The following LRFN5 variants were observed in gnomAD, a reference collection of about 807,000 sequenced individuals.
LRFN5 encodes leucine-rich repeat and fibronectin type-III domain-containing protein 5.
A neutral mutation model predicts 45.6 loss-of-function variants in LRFN5; 24 were observed. That is an observed-to-expected ratio of 0.53 (90% CI 0.38 to 0.74). The LOEUF is 0.74. LRFN5 is among the 30% of genes least tolerant of loss of function. The pLI, the probability that LRFN5 is intolerant of heterozygous loss-of-function variation, is 0.00. For synonymous variants in LRFN5, 340 were observed against 313.8 expected (o/e 1.08, Z -0.88); for missense variants, 776 against 861.5 (o/e 0.90, Z 1.24).
intron 2 of LRFN5, among the ~76,000 whole-genome samples, chr14:41,814,872 T>C (rs1181244048): frequency 6.6e-6 from 1 of 152,080 alleles, no homozygotes; most frequent in Non-Finnish European, 1.5e-5. Context: ...GGAATAACAT[T>C]TAAGCTTTGG....
intron 2 of LRFN5, among the ~76,000 whole-genome samples, chr14:41,824,157 T>C (rs1423903650): frequency 1.3e-5 from 2 of 152,236 alleles, no homozygotes; most frequent in Admixed American, 6.5e-5. Context: ...AATTATTTAT[T>C]TGGCATTTCA....
At chr14:41,861,200 ATCAAAAT>A (rs1475878416) in intron 2 of LRFN5, among the ~76,000 whole-genome samples, 3 of 152,204 alleles carry the variant, frequency 2.0e-5, no homozygotes, top group Non-Finnish European at 4.4e-5. Flanking sequence ...CCTATTTTTC[ATCAAAAT>A]TAGACCCACT....
chr14:41,763,007 G>C (rs1885733064), intron 1 of LRFN5, among the ~76,000 whole-genome samples: 1 of 152,114 alleles, frequency 6.6e-6, no homozygotes, highest in Non-Finnish European at 1.5e-5. Flanking sequence ...TTTTTCAAAT[G>C]TTATGAATAT....
chr14:41,746,177 C>G (rs1400100834), intron 1 of LRFN5, among the ~76,000 whole-genome samples: 1 of 151,916 alleles, frequency 6.6e-6, no homozygotes, highest in Non-Finnish European at 1.5e-5. Context: ...TGACTTATTC[C>G]TAGAATGGAA....
chr14:41,848,902 A>T (rs891377100), intron 2 of LRFN5, among the ~76,000 whole-genome samples: 1 of 151,994 alleles, frequency 6.6e-6, no homozygotes, highest in Non-Finnish European at 1.5e-5. Flanking sequence ...TTGCTTTGGA[A>T]TACTTCTAGG....
chr14:41,648,787 A>T (rs746232813), intron 1 of LRFN5, among the ~76,000 whole-genome samples: 20 of 152,054 alleles, frequency 1.3e-4, no homozygotes, highest in Non-Finnish European at 1.5e-5. Flanking sequence ...TTTTTGGAAC[A>T]TAATGAAATA....
intron 1 of LRFN5, among the ~76,000 whole-genome samples, chr14:41,715,905 C>T (rs1883473410): frequency 6.6e-6 from 1 of 152,182 alleles, no homozygotes; most frequent in Non-Finnish European, 1.5e-5. Context: ...CCATGAGGGC[C>T]CTGCCCCTGC....
intron 3 of LRFN5, among the ~76,000 whole-genome samples, chr14:41,890,168 A>C (rs551024757): frequency 6.6e-6 from 1 of 152,036 alleles, no homozygotes; most frequent in African/African-American, 2.4e-5. Context: ...TGAAAGTATC[A>C]CTGGAATTAG....
intron 1 of LRFN5, among the ~76,000 whole-genome samples, chr14:41,741,670 A>G (rs1884698111): frequency 6.6e-6 from 1 of 151,750 alleles, no homozygotes; most frequent in Non-Finnish European, 1.5e-5. Flanking sequence ...AAAAGCACAG[A>G]TAAGAAAAGC....
intron 2 of LRFN5, among the ~76,000 whole-genome samples, chr14:41,793,072 G>A (rs142135271): frequency 0.013 from 2,020 of 150,964 alleles, 19 homozygotes; most frequent in Non-Finnish European, 0.018. Flanking sequence ...TGGGTGCAGC[G>A]CACCAGCATG....
chr14:41,665,035 A>G (rs1880831327), intron 1 of LRFN5, among the ~76,000 whole-genome samples: 1 of 152,092 alleles, frequency 6.6e-6, no homozygotes, highest in Non-Finnish European at 1.5e-5. Flanking sequence ...ATTTTCTTCA[A>G]AATATATATT....
At chr14:41,690,205 T>A (rs1033783250) in intron 1 of LRFN5, among the ~76,000 whole-genome samples, 4 of 141,596 alleles carry the variant, frequency 2.8e-5, no homozygotes, top group African/African-American at 1.1e-4. Context: ...TAGGCATGTA[T>A]AATTAAAAGA....
At chr14:41,755,235 T>C (rs1885320710) in intron 1 of LRFN5, among the ~76,000 whole-genome samples, 1 of 152,204 alleles carries the variant, frequency 6.6e-6, no homozygotes, top group Non-Finnish European at 1.5e-5. Context: ...GAAGAATGTA[T>C]ATTGTGTTGA....
rs764474875 is a variant in LRFN5, at chr14:41,891,405, A to G, written c.1541A>G (p.Tyr514Cys). The G allele has an allele frequency of 7.4e-6, 12 of 1,614,126 alleles. No individual in the cohort carries two copies. Among genetic ancestry groups the G allele is most frequent in the Non-Finnish European group, 1.0e-5 (12 of 1,180,026 alleles). The change falls in exon 4 of 6, where the codon TAT becomes TGT. Residue 514 changes from tyrosine (Y) to cysteine (C), a missense_variant. This residue lies in a region of LRFN5 where 465 missense variants were observed against 456.4 expected (regional missense o/e 1.02). Transcript: ENST00000298119. The stretch of plus-strand genomic sequence containing the variant: ...ATCCAGTTTACTACGGAACAGGATT[A>G]TGTGCGTTGCCATTTCATGCAGTCT... ...GCIQFTTEQD[Y>C]VRCHFMQSQF... is the part of the protein sequence containing the mutation.
At position 41,887,032 on chromosome 14, in the gene LRFN5, C is replaced by G. The variant is rs974122937; in HGVS notation, c.407C>G (p.Thr136Ser). The G allele has an allele frequency of 6.2e-7, 1 of 1,614,172 alleles. No individual in the cohort carries two copies. Among genetic ancestry groups the G allele is most frequent in the Non-Finnish European group, 8.5e-7 (1 of 1,180,032 alleles). The change falls in exon 3 of 6, where the codon ACT (threonine) becomes AGT (serine). Residue 136 changes from threonine to serine, a missense_variant. Around this residue, in one of 2 missense-constraint regions of LRFN5, gnomAD observed 311 missense variants for 405.1 expected, o/e 0.77. Coordinates refer to ENST00000298119, the MANE Select transcript of LRFN5 (RefSeq NM_152447.5). This position sits in a 1 kb window ranked among gnomAD's most constrained non-coding sequence, Gnocchi z 4.8. ...HHLILNNNQLTLISSTAFDDV... is the reference protein window; with the variant it reads ...HHLILNNNQLSLISSTAFDDV... ...TTGATACTGAACAACAATCAGCTGA[C>G]TTTAATTTCCTCTACAGCGTTTGAT...
intron 1 of LRFN5, among the ~76,000 whole-genome samples, chr14:41,682,298 TAGAC>T (rs1350136472): frequency 3.2e-4 from 48 of 151,856 alleles, no homozygotes; most frequent in African/African-American, 9.9e-4. Context: ...TGTCAAGACA[TAGAC>T]AGTATAATAA....
intron 2 of LRFN5, among the ~76,000 whole-genome samples, chr14:41,844,220 G>A (rs962773844): frequency 2.6e-5 from 4 of 152,090 alleles, no homozygotes; most frequent in East Asian, 1.9e-4. Flanking sequence ...GGCGGATCAC[G>A]AGGTCAGGAG....
chr14:41,886,284 C>T (rs1213474536), intron 2 of LRFN5, among the ~76,000 whole-genome samples: 1 of 152,074 alleles, frequency 6.6e-6, no homozygotes, highest in Non-Finnish European at 1.5e-5. Flanking sequence ...CCTACAATCT[C>T]GGCTGTATAT....
chr14:41,739,640 T>C (rs1245814450), intron 1 of LRFN5, among the ~76,000 whole-genome samples: 1 of 149,912 alleles, frequency 6.7e-6, no homozygotes, highest in East Asian at 1.9e-4. Flanking sequence ...AACCTAATGT[T>C]ATACCTCTAG....
Sources: gnomAD v4.1 joint callset for allele counts (sites outside exome capture counted in the v4.1 genomes callset) on GRCh38, gnomAD v4.1.1 for gene constraint, gnomAD v4.1.1 regional missense constraint, Gnocchi (gnomAD v3.1) non-coding constraint, MANE v1.5 for transcripts, NCBI Gene and HGNC (gene_info 2026-07-23, HGNC 2026-07-21) for gene names.